Variants in SUGP1 observed in about 807,000 individuals in gnomAD.
The protein encoded by SUGP1 is SURP and G-patch domain containing 1.
A neutral mutation model predicts 76.5 loss-of-function variants in SUGP1; 34 were observed. The observed-to-expected ratio is 0.44, with a 90% CI of 0.34 to 0.59. The LOEUF (loss-of-function observed/expected upper bound fraction) is 0.59, where lower values mean the gene tolerates loss of function less well. SUGP1 is among the 20% of genes least tolerant of loss of function. The pLI, the probability that SUGP1 is intolerant of heterozygous loss-of-function variation, is 0.01. For synonymous variants in SUGP1, 326 were observed against 326.2 expected (o/e 1.00, Z 0.01); for missense variants, 752 against 851.7 (o/e 0.88, Z 1.46).
In SUGP1 at chr19:19,305,799, G is replaced by A. The variant is rs372564181; in HGVS notation, c.538+50C>T. On this transcript the variant is annotated intron_variant, in intron 4 of 13. Coordinates refer to ENST00000247001, the MANE Select transcript of SUGP1 (RefSeq NM_172231.4). ...GCCCTGCCCACCACAGATCCCACCTGCTAGAGCACGGGCACTGGTGGTGGG... is the reference window on the plus strand; with the variant it reads ...GCCCTGCCCACCACAGATCCCACCTACTAGAGCACGGGCACTGGTGGTGGG... The A allele has an allele frequency of 9.2e-5, 142 of 1,541,406 alleles. No individual in the cohort carries two copies. In the South Asian group the frequency reaches 1.1e-3, roughly 12 times the overall value.
intron 8 of SUGP1, among the ~76,000 whole-genome samples, chr19:19,290,802 A>G (rs1445997530): frequency 6.6e-6 from 1 of 152,184 alleles, no homozygotes; most frequent in Non-Finnish European, 1.5e-5. Context: ...ATATATAACA[A>G]TCATTTATTT....
In SUGP1 at chr19:19,297,038, A is replaced by T; in HGVS notation, c.1194T>A (p.Pro398=). 1.2e-6 allele frequency: 2 copies of T among 1,603,336 alleles called. No homozygotes were observed. Among genetic ancestry groups the T allele is most frequent in the East Asian group, 4.5e-5 (2 of 44,602 alleles). The part of the protein sequence containing the change: ...GPEEDKVELP[P]AELVQRDVDA... The stretch of plus-strand genomic sequence containing the variant: ...CCACGTCCCTCTGCACCAGTTCAGC[A>T]GGTGGGAGCTCTACCTTATCCTCTT... The change falls in exon 8 of 14, where the codon CCT becomes CCA. Residue 398 remains proline (P), a synonymous_variant. Transcript: ENST00000247001.
intron 8 of SUGP1, among the ~76,000 whole-genome samples, chr19:19,287,471 A>G (rs2061150209): frequency 6.6e-6 from 1 of 152,208 alleles, no homozygotes; most frequent in Non-Finnish European, 1.5e-5. Context: ...CTGAGGCATG[A>G]GAATCGTTTG....
At chr19:19,310,891 C>T (rs1468278061) in intron 2 of SUGP1, among the ~76,000 whole-genome samples, 1 of 152,044 alleles carries the variant, frequency 6.6e-6, no homozygotes, top group African/African-American at 2.4e-5. Flanking sequence ...CATCCTCCCA[C>T]CTCATCCTCC....
intron 1 of SUGP1, among the ~76,000 whole-genome samples, chr19:19,316,799 C>G (rs188472448): frequency 1.3e-5 from 2 of 152,076 alleles, no homozygotes; most frequent in South Asian, 4.1e-4. Context: ...TCTCTGCCCA[C>G]GTGGGACTCG....
chr19:19,285,026 C>CACA (rs1599847947), intron 8 of SUGP1, among the ~76,000 whole-genome samples: 1 of 151,648 alleles, frequency 6.6e-6, no homozygotes, highest in East Asian at 1.9e-4. Flanking sequence ...CGCCACCGTG[C>CACA]CTGGCTAATT....
chr19:19,295,838 C>T (rs918488641), intron 8 of SUGP1, among the ~76,000 whole-genome samples: 1 of 151,878 alleles, frequency 6.6e-6, no homozygotes, highest in Non-Finnish European at 1.5e-5. Flanking sequence ...CCAGTGTACT[C>T]GAACATGGGT....
intron 8 of SUGP1, among the ~76,000 whole-genome samples, chr19:19,288,194 GA>G (rs2061155775): frequency 6.6e-6 from 1 of 151,924 alleles, no homozygotes; most frequent in Non-Finnish European, 1.5e-5. Flanking sequence ...GCTCTGTTTG[GA>G]CCCTCTGTCA....
chr19:19,316,996 G>A (rs2061398951), intron 1 of SUGP1, among the ~76,000 whole-genome samples: 1 of 152,050 alleles, frequency 6.6e-6, no homozygotes, highest in Non-Finnish European at 1.5e-5. Context: ...AAATTAGCTG[G>A]GTATGGTGGC....
At chr19:19,288,331 A>G (rs751378837) in intron 8 of SUGP1, among the ~76,000 whole-genome samples, 4 of 152,164 alleles carry the variant, frequency 2.6e-5, no homozygotes, top group Non-Finnish European at 5.9e-5. Flanking sequence ...CAGCCTGGCT[A>G]ATTTTTCCTA....
At chr19:19,279,533 C>G (rs1190548065) in intron 9 of SUGP1, 143 bp from the exon 10 acceptor site, 12 of 857,948 alleles carry the variant, frequency 1.4e-5, no homozygotes, top group South Asian at 8.6e-5. Flanking sequence ...AGCAAGGACT[C>G]TAGCAAGTAC....
intron 2 of SUGP1, among the ~76,000 whole-genome samples, chr19:19,313,256 G>A (rs1469610862): frequency 5.9e-5 from 9 of 151,718 alleles, no homozygotes; most frequent in Admixed American, 4.6e-4. Flanking sequence ...TTAGCCGGGC[G>A]TGGTAGCGGG....
chr19:19,284,680 G>T (rs541603074), intron 8 of SUGP1, among the ~76,000 whole-genome samples: 7 of 152,286 alleles, frequency 4.6e-5, no homozygotes, highest in African/African-American at 1.4e-4. Context: ...CAAAAGCAAG[G>T]CGAAGGAGCG....
At chr19:19,278,607 A>G in intron 11 of SUGP1, 83 bp downstream of exon 11, 1 of 1,238,564 alleles carries the variant, frequency 8.1e-7, no homozygotes, top group African/African-American at 1.5e-5. Flanking sequence ...TAGCCAGGCT[A>G]CTTTGGGCAC....
At chr19:19,306,271 C>G (rs1463651034) in intron 3 of SUGP1, among the ~76,000 whole-genome samples, 195 bp from the exon 4 acceptor site, 2 of 152,158 alleles carry the variant, frequency 1.3e-5, no homozygotes, top group African/African-American at 4.8e-5. Context: ...TGTGGTCCCC[C>G]AGCCAGAAAA....
intron 12 of SUGP1, 47 bp from the exon 13 acceptor site, chr19:19,277,123 G>A: frequency 1.3e-6 from 2 of 1,568,068 alleles, no homozygotes; most frequent in Non-Finnish European, 1.7e-6. Context: ...CCAGAACTCT[G>A]GCCGGGGGGC....
intron 8 of SUGP1, among the ~76,000 whole-genome samples, chr19:19,286,525 T>C (rs1169005254): frequency 1.3e-5 from 2 of 152,108 alleles, no homozygotes; most frequent in Non-Finnish European, 2.9e-5. Context: ...GTGAAAGAGA[T>C]TGTAGAGACA....
intron 8 of SUGP1, among the ~76,000 whole-genome samples, chr19:19,294,574 C>G (rs181963523): frequency 1.4e-5 from 2 of 148,020 alleles, no homozygotes; most frequent in East Asian, 4.0e-4. Flanking sequence ...AGGTACAAAA[C>G]TCTCGGTAGG....
At chr19:19,300,644 C>T (rs1227411194) in intron 7 of SUGP1, among the ~76,000 whole-genome samples, 3 of 152,170 alleles carry the variant, frequency 2.0e-5, no homozygotes, top group African/African-American at 4.8e-5. Flanking sequence ...GTCGTCCCCC[C>T]GACCCACCCA....
Sources: allele counts gnomAD v4.1 joint callset (sites outside exome capture counted in the v4.1 genomes callset), GRCh38; gene constraint gnomAD v4.1.1; transcripts MANE v1.5; gene names NCBI Gene and HGNC (gene_info 2026-07-23, HGNC 2026-07-21).